The following ITPR2 variants were observed in gnomAD, a reference collection of about 807,000 sequenced individuals.
ITPR2 encodes the protein inositol 1,4,5-trisphosphate-gated calcium channel ITPR2.
In ITPR2, 207 loss-of-function variants were observed where a neutral mutation model predicts 317.1. That is an observed-to-expected ratio of 0.65 (90% CI 0.58 to 0.73). The LOEUF (loss-of-function observed/expected upper bound fraction) is 0.73, where lower values mean the gene tolerates loss of function less well. ITPR2 is among the 30% of genes least tolerant of loss of function. The pLI is 0.00. For synonymous variants in ITPR2, 1,156 were observed against 1,149.1 expected (o/e 1.01, Z -0.12); for missense variants, 2,613 against 3,284.0 (o/e 0.80, Z 4.99).
Position 26,711,240 on chromosome 12 carries a change from C to G in ITPR2, c.884G>C (p.Gly295Ala). The G allele has an allele frequency of 6.2e-7, 1 of 1,613,638 alleles. No individual in the cohort carries two copies. The highest frequency in any genetic ancestry group is 1.1e-5 in the South Asian group (1 of 91,056). ...GAACAAGCTGTTCCACTGTCCTGCA[C>G]CCCCACGGCATGGGTCATGATGAAC... ...EVVHHDPCRG[G>A]AGQWNSLFRF... Residue 295 changes from glycine to alanine, a missense_variant, in exon 9 of 57, where the codon GGT (glycine) becomes GCT (alanine). By Grantham distance (60) the Gly-to-Ala change is moderately conservative (BLOSUM62 0). Coordinates refer to ENST00000381340, the MANE Select transcript of ITPR2 (RefSeq NM_002223.4).
intron 34 of ITPR2, among the ~76,000 whole-genome samples, chr12:26,562,784 G>T (rs549426007): frequency 4.6e-5 from 7 of 151,808 alleles, no homozygotes; most frequent in Non-Finnish European, 1.0e-4. Flanking sequence ...GGGAAGGGGG[G>T]GAGGGATAGC....
chr12:26,610,612 C>G (rs972784034), intron 26 of ITPR2, among the ~76,000 whole-genome samples: 3 of 152,142 alleles, frequency 2.0e-5, no homozygotes, highest in African/African-American at 7.2e-5. Context: ...ATAATTCAAA[C>G]TCCTATGAGG....
intron 26 of ITPR2, among the ~76,000 whole-genome samples, chr12:26,604,292 C>T (rs920731315): frequency 1.3e-5 from 2 of 152,176 alleles, no homozygotes; most frequent in Non-Finnish European, 2.9e-5. Flanking sequence ...GGCTCCCAGT[C>T]TCAACTTCAC....
rs149380703 is a variant in ITPR2, at chr12:26,564,207, A to G, written c.4631-2255T>C. Among the ~76,000 whole-genome samples the G allele has an allele frequency of 3.3e-5, 5 of 152,372 alleles. No individual in the cohort carries two copies. In the East Asian group the frequency reaches 9.6e-4, roughly 29 times the overall value. ...AATTAAGCATAAAAGATCAAAAAGC[A>G]GAATAAAACAGAGAGACTGTGAAAT... On this transcript the variant is annotated intron_variant, in intron 34 of 56. Coordinates refer to ENST00000381340, the MANE Select transcript of ITPR2 (RefSeq NM_002223.4).
At chr12:26,678,824 G>A (rs896116000) in intron 13 of ITPR2, among the ~76,000 whole-genome samples, 21 of 152,148 alleles carry the variant, frequency 1.4e-4, no homozygotes, top group Admixed American at 5.2e-4. Context: ...ATCTTGAGAG[G>A]TTAAGATAAT....
At chr12:26,366,348 T>C (rs1403885823) in intron 55 of ITPR2, among the ~76,000 whole-genome samples, 1 of 152,204 alleles carries the variant, frequency 6.6e-6, no homozygotes, top group Non-Finnish European at 1.5e-5. Context: ...CTGCTAATTT[T>C]AGTTTGATAT....
At chr12:26,677,276 C>G (rs1947929344) in intron 13 of ITPR2, among the ~76,000 whole-genome samples, 1 of 152,094 alleles carries the variant, frequency 6.6e-6, no homozygotes, top group South Asian at 2.1e-4. Context: ...ATAAATTTGT[C>G]AAATACAAAG....
intron 37 of ITPR2, among the ~76,000 whole-genome samples, chr12:26,509,761 T>G (rs1417115714): frequency 6.6e-6 from 1 of 152,144 alleles, no homozygotes; most frequent in African/African-American, 2.4e-5. Context: ...TCTTGACCTG[T>G]GTGGGAAGGC....
intron 32 of ITPR2, among the ~76,000 whole-genome samples, chr12:26,590,275 C>A (rs1338765521): frequency 6.6e-6 from 1 of 152,112 alleles, no homozygotes; most frequent in Non-Finnish European, 1.5e-5. Context: ...TTTGTCGTTT[C>A]AAAATAGGTC....
intron 47 of ITPR2, among the ~76,000 whole-genome samples, chr12:26,437,964 G>T (rs1175033447): frequency 6.6e-6 from 1 of 152,014 alleles, no homozygotes; most frequent in Non-Finnish European, 1.5e-5. Flanking sequence ...ACCACGCCCG[G>T]CTAATTTTTT....
chr12:26,504,463 C>T (rs1278932382), intron 37 of ITPR2, among the ~76,000 whole-genome samples: 1 of 151,838 alleles, frequency 6.6e-6, no homozygotes, highest in East Asian at 1.9e-4. Context: ...ACTGGCATTT[C>T]ATATAAGAAA....
chr12:26,600,304 C>T (rs1005913166), intron 28 of ITPR2, among the ~76,000 whole-genome samples, 195 bp from the exon 29 acceptor site: 9 of 151,980 alleles, frequency 5.9e-5, no homozygotes, highest in African/African-American at 1.9e-4. Flanking sequence ...TCTTTCTCAC[C>T]TTCTCTTGGT....
chr12:26,782,555 A>C (rs1405599172), intron 2 of ITPR2, among the ~76,000 whole-genome samples: 1 of 152,228 alleles, frequency 6.6e-6, no homozygotes, highest in East Asian at 1.9e-4. Flanking sequence ...TTCAATAGAT[A>C]GTATGGCACA....
intron 13 of ITPR2, among the ~76,000 whole-genome samples, chr12:26,668,265 T>TAA (rs1947671959): frequency 6.6e-6 from 1 of 152,110 alleles, no homozygotes; most frequent in African/African-American, 2.4e-5. Flanking sequence ...ACTAAACATA[T>TAA]AAAACAGAGA....
At chr12:26,425,149 G>T (rs955075165) in intron 49 of ITPR2, among the ~76,000 whole-genome samples, 17 of 151,834 alleles carry the variant, frequency 1.1e-4, no homozygotes, top group African/African-American at 4.1e-4. Context: ...TCACTATGTT[G>T]ACCAGACTGG....
At chr12:26,690,755 T>C (rs558618619) in intron 10 of ITPR2, among the ~76,000 whole-genome samples, 1 of 152,306 alleles carries the variant, frequency 6.6e-6, no homozygotes, top group South Asian at 2.1e-4. Context: ...TTTGACATTC[T>C]CACACTGCAA....
chr12:26,791,701 T>G (rs1950344158), intron 1 of ITPR2, among the ~76,000 whole-genome samples: 1 of 152,148 alleles, frequency 6.6e-6, no homozygotes, highest in Non-Finnish European at 1.5e-5. Flanking sequence ...TAGAAACTGA[T>G]TTATTAGAAA....
chr12:26,580,759 G>A (rs539830240), intron 32 of ITPR2, among the ~76,000 whole-genome samples: 1 of 152,312 alleles, frequency 6.6e-6, no homozygotes, highest in South Asian at 2.1e-4. Context: ...CAGCCAAAGA[G>A]ACAATGCTGA....
Position 26,602,631 on chromosome 12 carries a change from G to C in ITPR2, c.3538C>G (p.Arg1180Gly). The C allele has an allele frequency of 6.2e-7, 1 of 1,609,208 alleles. No homozygotes were observed. ...TATCTGCCGACCTCCTTTACAATCC[G>C]GTAGTTATTGCTCTTGTTGCTGTCA... ...QIDSNKSNNYRIVKEILIRLS... is the reference protein window; with the variant it reads ...QIDSNKSNNYGIVKEILIRLS... The change falls in exon 27 of 57, where the codon CGG (arginine) becomes GGG (glycine). Residue 1180 changes from arginine to glycine, a missense_variant. Arg to Gly is a moderately radical substitution (Grantham distance 125). This residue lies in a region of ITPR2 where 817 missense variants were observed against 897.6 expected (regional missense o/e 0.91). Coordinates refer to ENST00000381340, the MANE Select transcript of ITPR2 (RefSeq NM_002223.4).
Sources: allele counts gnomAD v4.1 joint callset (sites outside exome capture counted in the v4.1 genomes callset), GRCh38; gene constraint gnomAD v4.1.1; regional missense constraint gnomAD v4.1.1; transcripts MANE v1.5; gene names NCBI Gene and HGNC (gene_info 2026-07-23, HGNC 2026-07-21).